Variants in ALS2 observed in about 807,000 individuals in gnomAD.
The protein encoded by ALS2 is alsin Rho guanine nucleotide exchange factor ALS2.
ALS2 carries 117 observed loss-of-function variants against 203.4 expected under a neutral mutation model. That is an observed-to-expected ratio of 0.58 (90% CI 0.50 to 0.67). The LOEUF (loss-of-function observed/expected upper bound fraction) is 0.67. Ranked by LOEUF, ALS2 falls within the 30% of genes least tolerant of loss-of-function variation. The probability of loss-of-function intolerance (pLI) is 0.00; values close to 1 mark genes in which losing one functional copy is unlikely to be tolerated. For synonymous variants in ALS2, 718 were observed against 725.9 expected (o/e 0.99, Z 0.17); for missense variants, 1,715 against 1,989.4 (o/e 0.86, Z 2.62).
rs1449732027 is a variant in ALS2 at position 201,733,286 on chromosome 2, C to T, written c.2570G>A (p.Cys857Tyr). The change falls in exon 13 of 34, where the codon TGT becomes TAT. Residue 857 changes from cysteine (C) to tyrosine (Y), a missense_variant. Coordinates refer to ENST00000264276, the MANE Select transcript of ALS2 (RefSeq NM_020919.4). ...TACATGGGAGCTTACCACTTCAAAA[C>T]AAGTAGCAAGCTTTAGCAAAACTTT... ...YAKVLLKLAT[C>Y]FEVASPEYQK... The T allele has an allele frequency of 6.2e-7, 1 of 1,613,648 alleles. No individual in the cohort carries two copies. The highest frequency in any genetic ancestry group is 1.3e-5 in the African/African-American group (1 of 74,922).
chr2:201,764,655 A>G (rs1221486384), intron 3 of ALS2, among the ~76,000 whole-genome samples: 1 of 150,708 alleles, frequency 6.6e-6, no homozygotes, highest in Non-Finnish European at 1.5e-5. Flanking sequence ...ATAAATAAAT[A>G]AATAAATAAA....
At chr2:201,706,396 A>C in intron 29 of ALS2, among the ~76,000 whole-genome samples, 1 of 28,230 alleles carries the variant, frequency 3.5e-5, no homozygotes, top group East Asian at 4.6e-4. Context: ...AAAAAAAGAA[A>C]AAAAAAAAAA....
Position 201,746,847 on chromosome 2 carries a change from G to C in ALS2, c.1816-99C>G, listed in dbSNP as rs1019855251. 7 of 1,369,284 alleles carry C rather than the reference G, an allele frequency of 5.1e-6. No individual in the cohort carries two copies. In the East Asian group the frequency reaches 1.6e-4, roughly 31 times the overall value. 84.8% of individuals were successfully genotyped at this position (1,369,284 alleles called of 1,614,324 possible). A position where few individuals can be genotyped will look rare whatever the true frequency, so the allele number is the denominator to read the frequency against. On this transcript the variant is annotated intron_variant, in intron 8 of 33. Transcript: ENST00000264276. Reference sequence around the variant, plus strand: ...AACGTTAGGTTGCTTAAATAAGCGTGGTGCAGTCAGTCATATCTGAGAGCA... The same window carrying C: ...AACGTTAGGTTGCTTAAATAAGCGTCGTGCAGTCAGTCATATCTGAGAGCA...
chr2:201,768,893 TG>T lies in ALS2; in HGVS notation c.-9del, dbSNP rs1694237443. 6.2e-7 allele frequency: 1 copy of T among 1,613,074 alleles called. No homozygotes were observed. The highest frequency in any genetic ancestry group is 1.3e-5 in the African/African-American group (1 of 74,806). ...TCTCTTCTTTGAGTCCATCGGTCAG[TG>T]GGAACACTCCATCACCAAATCATTC... On this transcript the variant is annotated 5_prime_UTR_variant, in exon 2 of 34. It removes the in-frame stop codon of an upstream open reading frame in the 5' UTR. Transcript: ENST00000264276.
At position 201,722,787 on chromosome 2, in the gene ALS2, G is replaced by A. The variant is rs565008475; in HGVS notation, c.3702+256C>T. Reference sequence around the variant, plus strand: ...AAAGGCAAATCTATAGAGTGATTAAGGGTGATTAGTGGTTGGCTGGGACTT... The same window carrying A: ...AAAGGCAAATCTATAGAGTGATTAAAGGTGATTAGTGGTTGGCTGGGACTT... On this transcript the variant is annotated intron_variant, in intron 23 of 33. Transcript: ENST00000264276. 75 of 513,206 alleles carry A rather than the reference G, an allele frequency of 1.5e-4. 1 individual carries two copies. Among genetic ancestry groups the A allele is most frequent in the African/African-American group, 1.4e-3 (71 of 52,310 alleles). The allele number at this position is 513,206 out of a possible 1,614,324, so 31.8% of individuals were successfully genotyped here.
intron 4 of ALS2, chr2:201,759,596 AAACT>A: frequency 1.0e-6 from 1 of 983,738 alleles, no homozygotes; most frequent in Non-Finnish European, 1.2e-6. Flanking sequence ...CATTCTTGTT[AAACT>A]ACTACTTTTG....
intron 19 of ALS2, among the ~76,000 whole-genome samples, chr2:201,726,008 C>T (rs954692656): frequency 1.2e-4 from 18 of 152,012 alleles, no homozygotes; most frequent in African/African-American, 4.4e-4. Context: ...TGTTAGAAAA[C>T]ATGATAAACT....
intron 1 of ALS2, among the ~76,000 whole-genome samples, chr2:201,780,596 T>C (rs1694860553): frequency 6.6e-6 from 1 of 152,178 alleles, no homozygotes. Flanking sequence ...CTGAGACCAC[T>C]GCAGCGGCGC....
chr2:201,713,458 C>T (rs1448554892), intron 25 of ALS2, among the ~76,000 whole-genome samples: 1 of 152,142 alleles, frequency 6.6e-6, no homozygotes, highest in Non-Finnish European at 1.5e-5. Context: ...TCTAAGGAAA[C>T]AAATTTAGAC....
intron 5 of ALS2, among the ~76,000 whole-genome samples, chr2:201,754,953 A>C (rs1329094387): frequency 6.6e-6 from 1 of 152,204 alleles, no homozygotes; most frequent in Non-Finnish European, 1.5e-5. Context: ...GCCCTGTTTA[A>C]ATATGTTTAA....
At chr2:201,744,567 A>G (rs1013857511) in intron 9 of ALS2, 138 bp from the exon 10 acceptor site, 1 of 916,278 alleles carries the variant, frequency 1.1e-6, no homozygotes, top group Non-Finnish European at 1.7e-6. Context: ...TAATTAAACC[A>G]TTGGCAGCTT....
intron 19 of ALS2, 105 bp downstream of exon 19, chr2:201,726,379 C>T (rs1050262931): frequency 5.6e-6 from 6 of 1,077,818 alleles, no homozygotes; most frequent in Non-Finnish European, 7.1e-6. Context: ...AAAATAACAA[C>T]AAAAATCTAC....
chr2:201,710,480 T>C (rs1173977146), intron 26 of ALS2, among the ~76,000 whole-genome samples: 1 of 152,006 alleles, frequency 6.6e-6, no homozygotes, highest in African/African-American at 2.4e-5. Context: ...AAATATACTT[T>C]AAACTTCACA....
At chr2:201,779,458 T>G (rs914855691) in intron 1 of ALS2, among the ~76,000 whole-genome samples, 1 of 152,224 alleles carries the variant, frequency 6.6e-6, no homozygotes, top group Admixed American at 6.5e-5. Flanking sequence ...TAAAATGTCC[T>G]TATGGAACAC....
intron 5 of ALS2, among the ~76,000 whole-genome samples, 183 bp from the exon 6 acceptor site, chr2:201,754,854 C>T (rs763319123): frequency 3.9e-5 from 6 of 152,186 alleles, no homozygotes; most frequent in Admixed American, 3.9e-4. Flanking sequence ...ATACTCACTG[C>T]TACAATCTAT....
chr2:201,731,754 T>TA (rs752265559), intron 13 of ALS2, among the ~76,000 whole-genome samples: 1 of 152,138 alleles, frequency 6.6e-6, no homozygotes, highest in African/African-American at 2.4e-5. Context: ...ACCCCTGTGA[T>TA]AAGGATAAGG....
chr2:201,742,580 G>C (rs1035425731), intron 10 of ALS2, among the ~76,000 whole-genome samples: 1 of 152,206 alleles, frequency 6.6e-6, no homozygotes, highest in Non-Finnish European at 1.5e-5. Context: ...AGCTTAGATT[G>C]CTTCCTTTCT....
chr2:201,726,612 C>G (rs1291154063), intron 18 of ALS2, 52 bp downstream of exon 18: 1 of 1,609,478 alleles, frequency 6.2e-7, no homozygotes, highest in Admixed American at 1.7e-5. Flanking sequence ...AATACTTTTT[C>G]TATCATGTGA....
chr2:201,717,001 A>T (rs1321219466), intron 24 of ALS2, among the ~76,000 whole-genome samples: 2 of 152,166 alleles, frequency 1.3e-5, no homozygotes, highest in Non-Finnish European at 2.9e-5. Flanking sequence ...ACATCTAGGG[A>T]GAGATGGTGG....
Sources: allele counts gnomAD v4.1 joint callset (sites outside exome capture counted in the v4.1 genomes callset), GRCh38; gene constraint gnomAD v4.1.1; transcripts MANE v1.5; gene names NCBI Gene and HGNC (gene_info 2026-07-23, HGNC 2026-07-21).